Variants in CDH13 observed in about 807,000 individuals in gnomAD.
CDH13 encodes the protein cadherin-13.
CDH13 carries 24 observed loss-of-function variants against 63.8 expected under a neutral mutation model. The observed-to-expected ratio is 0.38, with a 90% confidence interval of 0.27 to 0.53. The LOEUF (loss-of-function observed/expected upper bound fraction) is 0.53. Among genes scored for constraint, CDH13 ranks in the 20% least tolerant of loss-of-function variants. The pLI is 0.85. For missense variants in CDH13, 1,049 were observed against 903.1 expected, an observed-to-expected ratio of 1.16 and a Z score of -2.07; for synonymous variants, 503 against 355.3, an observed-to-expected ratio of 1.42 and a Z score of -4.67.
chr16:82,905,587 G>A (rs1198443965), intron 2 of CDH13, among the ~76,000 whole-genome samples: 2 of 152,056 alleles, frequency 1.3e-5, no homozygotes, highest in Non-Finnish European at 1.5e-5. Flanking sequence ...TCCTTAACCA[G>A]TACTGTCTCA....
At position 83,227,689 on chromosome 16, in the gene CDH13, G is replaced by T. The variant is rs544985632; in HGVS notation, c.636+10192G>T. On this transcript the variant is annotated intron_variant, in intron 5 of 13. Coordinates refer to ENST00000567109, the MANE Select transcript of CDH13 (RefSeq NM_001257.5). ...AAGCACGTGGGGGAGCATGCTTTTT[G>T]GCCAGCTGAGTCTTCTCTTCCAGTC... Among the ~76,000 whole-genome samples the T allele has an allele frequency of 2.0e-5, 3 of 152,220 alleles. No homozygotes were observed. In the South Asian group the frequency reaches 6.2e-4, roughly 32 times the overall value.
intron 13 of CDH13, 26 bp from the exon 14 acceptor site, chr16:83,794,997 C>T (rs1002666620): frequency 1.3e-6 from 2 of 1,589,072 alleles, no homozygotes; most frequent in African/African-American, 1.3e-5. Flanking sequence ...ATATTCCCGA[C>T]TTAACTCTGA....
At position 83,537,326 on chromosome 16, in the gene CDH13, A is replaced by G. The variant is rs142259623; in HGVS notation, c.960+50671A>G. Among the ~76,000 whole-genome samples the G allele has an allele frequency of 7.1e-3, 1,081 of 152,342 alleles. 13 individuals carry two copies. Among genetic ancestry groups the G allele is most frequent in the African/African-American group, 0.024 (1,000 of 41,578 alleles). ...TCTATGCACAAAAATTTGTCCTGCT[A>G]TATTTCTTTCCATGGCAATCCCTGT... On this transcript the variant is annotated intron_variant, in intron 7 of 13. Coordinates refer to ENST00000567109, the MANE Select transcript of CDH13 (RefSeq NM_001257.5).
intron 2 of CDH13, among the ~76,000 whole-genome samples, chr16:82,976,291 C>T (rs1331322408): frequency 6.6e-6 from 1 of 152,138 alleles, no homozygotes; most frequent in Non-Finnish European, 1.5e-5. Flanking sequence ...CTGAAGCCTT[C>T]TTTGACGTGC....
intron 7 of CDH13, among the ~76,000 whole-genome samples, chr16:83,553,573 C>G (rs78802691): frequency 1.3e-4 from 19 of 151,952 alleles, no homozygotes; most frequent in Non-Finnish European, 8.8e-5. Context: ...GTATTTTTTT[C>G]TCAGATGGAG....
At chr16:83,374,965 G>C (rs909195809) in intron 6 of CDH13, among the ~76,000 whole-genome samples, 8 of 152,152 alleles carry the variant, frequency 5.3e-5, no homozygotes, top group Admixed American at 4.6e-4. Context: ...TTTGATAACC[G>C]TGGGGATTTT....
chr16:83,240,247 G>T (rs1375470976), intron 5 of CDH13, among the ~76,000 whole-genome samples: 1 of 152,142 alleles, frequency 6.6e-6, no homozygotes, highest in African/African-American at 2.4e-5. Context: ...GTCAAAGTGG[G>T]CTTAGCATGT....
intron 6 of CDH13, among the ~76,000 whole-genome samples, chr16:83,384,954 A>G (rs1296325534): frequency 6.6e-6 from 1 of 152,226 alleles, no homozygotes; most frequent in African/African-American, 2.4e-5. Context: ...TTAAGGCACC[A>G]ATGTATATTT....
intron 5 of CDH13, among the ~76,000 whole-genome samples, chr16:83,221,881 G>A (rs2039711154): frequency 6.6e-6 from 1 of 152,136 alleles, no homozygotes; most frequent in Non-Finnish European, 1.5e-5. Context: ...TCTATTAAGT[G>A]CCCAAGAATT....
intron 2 of CDH13, among the ~76,000 whole-genome samples, chr16:83,017,698 C>G (rs1464298915): frequency 6.6e-6 from 1 of 152,138 alleles, no homozygotes; most frequent in Admixed American, 6.5e-5. Flanking sequence ...TATTAGGGCT[C>G]TGTACTATTA....
intron 1 of CDH13, among the ~76,000 whole-genome samples, chr16:82,788,787 G>T (rs78798001): frequency 0.044 from 6,665 of 152,266 alleles, 210 homozygotes; most frequent in Non-Finnish European, 0.069. Flanking sequence ...CCTGGGATGT[G>T]GAGCCCAGGT....
At chr16:83,316,320 A>T (rs539953221) in intron 5 of CDH13, among the ~76,000 whole-genome samples, 62 of 152,294 alleles carry the variant, frequency 4.1e-4, no homozygotes, top group African/African-American at 1.5e-3. Context: ...ACACATACTG[A>T]ATAATTGCTA....
In CDH13 at chr16:83,128,597, C is replaced by G. The variant is rs142924461; in HGVS notation, c.483+3096C>G. On this transcript the variant is annotated intron_variant, in intron 4 of 13. Transcript: ENST00000567109. ...GTTTACACCTGTCGTCCAAATCTGTCATGTCCAGATTTAGACAATAAATTA... is the reference window on the plus strand; with the variant it reads ...GTTTACACCTGTCGTCCAAATCTGTGATGTCCAGATTTAGACAATAAATTA... 5.9e-5 allele frequency among the ~76,000 whole-genome samples: 9 copies of G among 152,358 alleles called. No individual in the cohort carries two copies. In the East Asian group the frequency reaches 9.6e-4, roughly 16 times the overall value.
At chr16:82,993,291 T>C (rs1597373475) in intron 2 of CDH13, among the ~76,000 whole-genome samples, 1 of 152,220 alleles carries the variant, frequency 6.6e-6, no homozygotes, top group East Asian at 1.9e-4. Flanking sequence ...GCATTGGTGC[T>C]GCCTATACTG....
In CDH13 at chr16:83,049,181, C is replaced by T. The variant is rs947529662; in HGVS notation, c.366+16963C>T. On this transcript the variant is annotated intron_variant, in intron 3 of 13. Coordinates refer to ENST00000567109, the MANE Select transcript of CDH13 (RefSeq NM_001257.5). ...GTGCAACCACTACCTTTATCTAGTT[C>T]CAAAATGGTTCTGTTAACCCAAAAG... 6.6e-5 allele frequency among the ~76,000 whole-genome samples: 10 copies of T among 152,064 alleles called. No homozygotes were observed. In the South Asian group the frequency reaches 1.9e-3, roughly 28 times the overall value.
chr16:83,137,022 G>A (rs181481740), intron 4 of CDH13, among the ~76,000 whole-genome samples: 1 of 152,212 alleles, frequency 6.6e-6, no homozygotes, highest in African/African-American at 2.4e-5. Flanking sequence ...CTTCAGCACG[G>A]CACTGGCCTT....
chr16:83,747,506 G>T (rs1028812194), intron 10 of CDH13, among the ~76,000 whole-genome samples: 1 of 152,010 alleles, frequency 6.6e-6, no homozygotes, highest in African/African-American at 2.4e-5. Flanking sequence ...AAATCACTCA[G>T]TCTTGAGTAT....
At chr16:83,250,354 A>C (rs1181581049) in intron 5 of CDH13, among the ~76,000 whole-genome samples, 1 of 152,210 alleles carries the variant, frequency 6.6e-6, no homozygotes, top group East Asian at 1.9e-4. Flanking sequence ...GGGATGAAGA[A>C]TATAGGCAAG....
chr16:82,680,777 C>T (rs1209259108), intron 1 of CDH13, among the ~76,000 whole-genome samples: 1 of 152,128 alleles, frequency 6.6e-6, no homozygotes, highest in African/African-American at 2.4e-5. Context: ...GTTATTACTA[C>T]CTCTAGGCCT....
Sources: gnomAD v4.1 joint callset for allele counts (sites outside exome capture counted in the v4.1 genomes callset) on GRCh38, gnomAD v4.1.1 for gene constraint, MANE v1.5 for transcripts, NCBI Gene and HGNC (gene_info 2026-07-23, HGNC 2026-07-21) for gene names.